Variants in RNF14 observed in about 807,000 individuals in gnomAD.
The protein encoded by RNF14 is ring finger protein 14, also known as E3 ubiquitin-protein ligase RNF14.
In RNF14, 26 loss-of-function variants were observed where a neutral mutation model predicts 52.6. The observed-to-expected ratio is 0.49, with a 90% confidence interval of 0.36 to 0.69. The LOEUF is 0.69. Ranked by LOEUF, RNF14 falls within the 30% of genes least tolerant of loss-of-function variation. The pLI, the probability that RNF14 is intolerant of heterozygous loss-of-function variation, is 0.00. For missense variants in RNF14, 404 were observed against 560.4 expected, an observed-to-expected ratio of 0.72 and a Z score of 2.82; for synonymous variants, 194 against 202.0, an observed-to-expected ratio of 0.96 and a Z score of 0.34.
chr5:141,963,224 G>T (rs1261847251), upstream of RNF14: 1 of 152,154 alleles, frequency 6.6e-6, no homozygotes, highest in African/African-American at 2.4e-5. Flanking sequence ...TCTACGTAGG[G>T]TTATTGGTCC....
chr5:141,950,620 A>C, the RNF14 span, among the ~76,000 whole-genome samples: 1 of 152,186 alleles, frequency 6.6e-6, no homozygotes, highest in Non-Finnish European at 1.5e-5. Context: ...CTTCAAATCC[A>C]GGCCAGTGTG....
chr5:141,981,069 T>C (rs1754729894), intron 6 of RNF14, among the ~76,000 whole-genome samples: 1 of 152,224 alleles, frequency 6.6e-6, no homozygotes, highest in Non-Finnish European at 1.5e-5. Flanking sequence ...TTTGGTGGCT[T>C]AGTCTTCTTC....
upstream of RNF14, among the ~76,000 whole-genome samples, chr5:141,962,248 G>T (rs907615745): frequency 2.0e-5 from 3 of 152,184 alleles, no homozygotes; most frequent in African/African-American, 7.2e-5. Flanking sequence ...GCAGAAAAAA[G>T]AATGCACTTT....
chr5:141,970,756 A>T lies in RNF14; in HGVS notation c.-128A>T, dbSNP rs934357625. On this transcript the variant is annotated 5_prime_UTR_variant, in exon 2 of 9. Transcript: ENST00000394520. ...TATGAGTTCCACATCTTGGCCTCTT[A>T]CCCAGCTTCAGCAGTCTCAGCTCCA... The T allele has an allele frequency of 2.6e-5, 4 of 152,314 alleles. No individual in the cohort carries two copies. The highest frequency in any genetic ancestry group is 4.4e-5 in the Non-Finnish European group (3 of 68,038). 9.4% of individuals were successfully genotyped at this position (152,314 alleles called of 1,614,324 possible).
chr5:141,966,795 C>G (rs1051609958), upstream of RNF14: 34 of 152,346 alleles, frequency 2.2e-4, no homozygotes, highest in African/African-American at 5.3e-4. Context: ...TGTCACAATT[C>G]ACCTTCTGCT....
intron 1 of RNF14, chr5:141,958,541 C>G (rs1173790006): frequency 6.6e-6 from 1 of 152,458 alleles, no homozygotes; most frequent in African/African-American, 2.4e-5. Context: ...TATCTTTTCC[C>G]CCATTGTTCC....
chr5:141,965,153 G>A (rs1276588965), upstream of RNF14, among the ~76,000 whole-genome samples: 1 of 152,176 alleles, frequency 6.6e-6, no homozygotes, highest in Non-Finnish European at 1.5e-5. Flanking sequence ...GCTTGTTGCA[G>A]GAGTGCTTGC....
At chr5:141,984,066 G>A (rs565173905) in intron 7 of RNF14, among the ~76,000 whole-genome samples, 1 of 150,990 alleles carries the variant, frequency 6.6e-6, no homozygotes, top group African/African-American at 2.4e-5. Flanking sequence ...AACATAGTGG[G>A]CTCCAGTTAA....
chr5:141,987,461 C>T (rs10073655), intron 8 of RNF14, among the ~76,000 whole-genome samples: 462 of 152,184 alleles, frequency 3.0e-3, no homozygotes, highest in African/African-American at 0.011. Context: ...GGCCAAGGGA[C>T]TTAAGGCCAA....
chr5:141,984,628 C>T (rs1389568319), intron 7 of RNF14, among the ~76,000 whole-genome samples, 175 bp from the exon 8 acceptor site: 1 of 152,164 alleles, frequency 6.6e-6, no homozygotes, highest in Admixed American at 6.5e-5. Context: ...CTGTATTTTA[C>T]TTCTAATGCA....
At chr5:141,983,794 A>C (rs1031246942) in intron 7 of RNF14, among the ~76,000 whole-genome samples, 2 of 152,016 alleles carry the variant, frequency 1.3e-5, no homozygotes, top group Non-Finnish European at 2.9e-5. Context: ...TCCACCTCAA[A>C]ATTGAATGGG....
At chr5:141,983,252 G>A in intron 6 of RNF14, 128 bp from the exon 7 acceptor site, 1 of 746,586 alleles carries the variant, frequency 1.3e-6, no homozygotes, top group Non-Finnish European at 2.1e-6. Flanking sequence ...TATGACTTTG[G>A]ATTATTTCCT....
At chr5:141,968,745 AG>A (rs1194363172), upstream of RNF14, 1 of 152,276 alleles carries the variant, frequency 6.6e-6, no homozygotes, top group Admixed American at 6.5e-5. Context: ...GTGGAGTGCC[AG>A]AAAGACCGGC....
At chr5:141,954,424 A>G (rs1410536955), upstream of RNF14, among the ~76,000 whole-genome samples, 3 of 152,252 alleles carry the variant, frequency 2.0e-5, no homozygotes, top group Admixed American at 1.3e-4. Flanking sequence ...TTTGCTGAGT[A>G]CTGACTACAT....
chr5:141,978,523 A>G lies in RNF14; in HGVS notation c.527A>G (p.Asp176Gly), dbSNP rs1754461184. The G allele has an allele frequency of 3.1e-6, 5 of 1,614,072 alleles. No individual in the cohort carries two copies. In the East Asian group the frequency reaches 1.1e-4, roughly 36 times the overall value. Reference sequence around the variant, plus strand: ...GATTTTGGAGGAGCTGCTGGATCTGATGTAGACCAAGAGGAAATTGTGGAT... The same window carrying G: ...GATTTTGGAGGAGCTGCTGGATCTGGTGTAGACCAAGAGGAAATTGTGGAT... ...ELDFGGAAGS[D>G]VDQEEIVDER... The change falls in exon 5 of 9, where the codon GAT (aspartate) becomes GGT (glycine). Residue 176 changes from aspartate to glycine, a missense_variant. Coordinates refer to ENST00000394520, the MANE Select transcript of RNF14 (RefSeq NM_004290.5).
At chr5:141,972,441 A>G (rs535639838) in intron 2 of RNF14, among the ~76,000 whole-genome samples, 4 of 151,948 alleles carry the variant, frequency 2.6e-5, no homozygotes, top group Non-Finnish European at 5.9e-5. Context: ...GCGGGCCACT[A>G]TTGGGTATCT....
chr5:141,978,926 C>A, intron 5 of RNF14, 96 bp downstream of exon 5: 1 of 1,359,434 alleles, frequency 7.4e-7, no homozygotes, highest in Non-Finnish European at 1.0e-6. Flanking sequence ...ATGGGGCAGT[C>A]CGAGGCCTTG....
At chr5:141,950,772 T>C in the RNF14 span, among the ~76,000 whole-genome samples, 1 of 152,172 alleles carries the variant, frequency 6.6e-6, no homozygotes, top group Non-Finnish European at 1.5e-5. Flanking sequence ...CACTCACTTG[T>C]TACATGACCT....
Position 141,990,107 on chromosome 5 carries a change from A to G in RNF14, c.*2317A>G, listed in dbSNP as rs1755508934. ...AATTTTAACAAAGAAAATAGGGCTT[A>G]TAAAGTTATACTTTTGAAGCATGAG... On this transcript the variant is annotated 3_prime_UTR_variant, in exon 9 of 9. Transcript: ENST00000394520. 1 of 152,226 alleles carries G rather than the reference A, an allele frequency of 6.6e-6. No homozygotes were observed. The highest frequency in any genetic ancestry group is 1.5e-5 in the Non-Finnish European group (1 of 68,036). 9.4% of individuals were successfully genotyped at this position (152,226 alleles called of 1,614,324 possible). A position where few individuals can be genotyped will look rare whatever the true frequency, so the allele number is the denominator to read the frequency against.
Sources: allele counts gnomAD v4.1 joint callset (sites outside exome capture counted in the v4.1 genomes callset), GRCh38; gene constraint gnomAD v4.1.1; transcripts MANE v1.5; gene names NCBI Gene and HGNC (gene_info 2026-07-23, HGNC 2026-07-21).